ZBBX: variants seen among roughly 807,000 people sequenced by gnomAD.
ZBBX encodes the protein zinc finger B-box domain containing, also known as zinc finger B-box domain-containing protein 1.
Under a neutral mutation model 108.5 loss-of-function variants are expected in ZBBX, and 101 were observed. The ratio of observed to expected loss-of-function variants is 0.93; its 90% CI spans 0.79 to 1.10. The LOEUF is 1.10. ZBBX is among the 50% of genes least tolerant of loss of function. The pLI, the probability that ZBBX is intolerant of heterozygous loss-of-function variation, is 0.00. For synonymous variants in ZBBX, 356 were observed against 323.4 expected (o/e 1.10, Z -1.08); for missense variants, 1,009 against 941.4 (o/e 1.07, Z -0.94).
At chr3:167,356,053 G>C (rs529708974) in intron 8 of ZBBX, among the ~76,000 whole-genome samples, 15 of 152,108 alleles carry the variant, frequency 9.9e-5, no homozygotes, top group African/African-American at 3.4e-4. Flanking sequence ...TACTGTTCAA[G>C]TTCCATGGCT....
In ZBBX at chr3:167,305,762, C is replaced by T. The variant is rs201542738; in HGVS notation, c.1606G>A (p.Asp536Asn). Residue 536 changes from aspartate (D) to asparagine (N), a missense_variant, in exon 17 of 22, where the codon GAT becomes AAT. Physicochemically the swap from Asp to Asn is conservative, Grantham distance 23 (BLOSUM62 1). Coordinates refer to ENST00000675490, the MANE Select transcript of ZBBX (RefSeq NM_001199201.2). The part of the protein sequence containing the change: ...LESKDTLLGR[D>N]LEKAPIEEKL... ...TCCTCAATGGGAGCTTTTTCTAAAT[C>T]TCTACCTAGCAAAGTGTCCTTGCTT... 31 of 1,612,768 alleles carry T rather than the reference C, an allele frequency of 1.9e-5. No individual in the cohort carries two copies. Among genetic ancestry groups the T allele is most frequent in the African/African-American group, 4.0e-5 (3 of 75,000 alleles).
chr3:167,372,779 A>C (rs1327786950), intron 4 of ZBBX, 55 bp downstream of exon 4: 1 of 885,776 alleles, frequency 1.1e-6, no homozygotes, highest in Admixed American at 2.5e-5. Flanking sequence ...CAAAATTACA[A>C]TATACAGAAG....
chr3:167,193,198 T>A, the ZBBX span, among the ~76,000 whole-genome samples: 6 of 152,308 alleles, frequency 3.9e-5, no homozygotes, highest in African/African-American at 1.4e-4. Flanking sequence ...CATTTTGGAA[T>A]TAAATGGCAC....
intron 20 of ZBBX, among the ~76,000 whole-genome samples, chr3:167,276,757 T>C (rs368614347): frequency 6.6e-6 from 1 of 152,014 alleles, no homozygotes; most frequent in Admixed American, 6.6e-5. Flanking sequence ...CACAAAGATA[T>C]TCCTCGAGAA....
chr3:167,368,432 A>T (rs1745667647), intron 5 of ZBBX, 29 bp downstream of exon 5: 3 of 1,482,562 alleles, frequency 2.0e-6, no homozygotes, highest in Non-Finnish European at 2.8e-6. Flanking sequence ...TAGTTGATTC[A>T]TCTAAAATTC....
At chr3:167,364,466 T>C (rs992795323) in intron 6 of ZBBX, among the ~76,000 whole-genome samples, 49 of 152,052 alleles carry the variant, frequency 3.2e-4, no homozygotes, top group Non-Finnish European at 1.0e-4. Flanking sequence ...TCAATCTCTC[T>C]TCACTAGAGA....
At chr3:167,237,861 G>A (rs555445489), downstream of ZBBX, among the ~76,000 whole-genome samples, 7 of 152,012 alleles carry the variant, frequency 4.6e-5, no homozygotes, top group South Asian at 1.5e-3. Flanking sequence ...GTAAAAGGTA[G>A]CAGCATCATA....
At position 167,250,437 on chromosome 3, in the gene ZBBX, A is replaced by G. The variant is rs545515421; in HGVS notation, c.2255-7794T>C. On this transcript the variant is annotated intron_variant, in intron 20 of 21. Coordinates refer to ENST00000675490, the MANE Select transcript of ZBBX (RefSeq NM_001199201.2). ...CAGCTCAGGGTAGAATGTTGCTGTT[A>G]GTATATTTCACTTCTTATCTCTGTA... is the stretch of plus-strand genomic sequence containing the variant. Among the ~76,000 whole-genome samples the G allele has an allele frequency of 9.9e-5, 15 of 152,276 alleles. No individual in the cohort carries two copies. The South Asian group carries it at 2.7e-3, about 27-fold the overall frequency.
the ZBBX span, among the ~76,000 whole-genome samples, chr3:167,228,166 G>T: frequency 6.6e-6 from 1 of 151,750 alleles, no homozygotes; most frequent in African/African-American, 2.4e-5. Flanking sequence ...TCCTATGAGT[G>T]GATAAAAAGA....
At chr3:167,217,341 G>T in the ZBBX span, among the ~76,000 whole-genome samples, 1 of 152,048 alleles carries the variant, frequency 6.6e-6, no homozygotes, top group African/African-American at 2.4e-5. Context: ...AGACATACAT[G>T]AAAGCCAACA....
chr3:167,310,012 C>T (rs956210204), intron 16 of ZBBX, among the ~76,000 whole-genome samples: 2 of 152,162 alleles, frequency 1.3e-5, no homozygotes, highest in Non-Finnish European at 1.5e-5. Context: ...ACAGCCAGGT[C>T]ACATCTTGAA....
the ZBBX span, among the ~76,000 whole-genome samples, chr3:167,219,821 A>C: frequency 6.6e-6 from 1 of 151,924 alleles, no homozygotes; most frequent in Non-Finnish European, 1.5e-5. Context: ...TGAATGAAAA[A>C]TTGTTTATTA....
intron 20 of ZBBX, among the ~76,000 whole-genome samples, chr3:167,259,881 T>C (rs918030174): frequency 6.6e-6 from 1 of 152,170 alleles, no homozygotes; most frequent in Non-Finnish European, 1.5e-5. Context: ...GAGGCTCATT[T>C]TATGGCCTAT....
chr3:167,298,525 TCAGATACCTA>T, intron 17 of ZBBX, 67 bp from the exon 18 acceptor site: 1 of 1,214,924 alleles, frequency 8.2e-7, no homozygotes, highest in Non-Finnish European at 1.1e-6. Flanking sequence ...TATTCATTTA[TCAGATACCTA>T]CTTGGTATCT....
At chr3:167,282,629 A>G in intron 19 of ZBBX, 134 bp from the exon 20 acceptor site, 1 of 698,902 alleles carries the variant, frequency 1.4e-6, no homozygotes, top group Non-Finnish European at 2.3e-6. Flanking sequence ...GTTAACTTTG[A>G]CTATCACCCT....
At chr3:167,309,601 G>A (rs766637509) in intron 16 of ZBBX, among the ~76,000 whole-genome samples, 1 of 152,226 alleles carries the variant, frequency 6.6e-6, no homozygotes, top group Non-Finnish European at 1.5e-5. Context: ...GGTCCAAGCT[G>A]TATCTTGGCC....
chr3:167,269,218 C>G (rs960656468), intron 20 of ZBBX, among the ~76,000 whole-genome samples: 5 of 152,316 alleles, frequency 3.3e-5, no homozygotes, highest in African/African-American at 7.2e-5. Context: ...CTAGTCGATT[C>G]AGGGGCCGCT....
intron 20 of ZBBX, among the ~76,000 whole-genome samples, chr3:167,271,512 G>A (rs1212371284): frequency 6.6e-6 from 1 of 152,030 alleles, no homozygotes; most frequent in East Asian, 1.9e-4. Flanking sequence ...AAGGAAAATG[G>A]GTATTACCAG....
At chr3:167,208,536 T>C in the ZBBX span, among the ~76,000 whole-genome samples, 1 of 152,196 alleles carries the variant, frequency 6.6e-6, no homozygotes, top group Non-Finnish European at 1.5e-5. Context: ...CCTTAGCTCC[T>C]GGATAACATT....
Sources: gnomAD v4.1 joint callset for allele counts (sites outside exome capture counted in the v4.1 genomes callset) on GRCh38, gnomAD v4.1.1 for gene constraint, MANE v1.5 for transcripts, NCBI Gene and HGNC (gene_info 2026-07-23, HGNC 2026-07-21) for gene names.